Variants in CACNA1A observed in about 807,000 individuals in gnomAD.
The protein encoded by CACNA1A is voltage-dependent P/Q-type calcium channel subunit alpha-1A.
In CACNA1A, 57 loss-of-function variants were observed where a neutral mutation model predicts 262.4. That is an observed-to-expected ratio of 0.22 (90% CI 0.18 to 0.27). The LOEUF (loss-of-function observed/expected upper bound fraction) is 0.27, where lower values mean the gene tolerates loss of function less well. Ranked by LOEUF, CACNA1A falls within the 10% of genes least tolerant of loss-of-function variation. CACNA1A has a pLI of 1.00. For synonymous variants in CACNA1A, 1,431 were observed against 1,419.3 expected (o/e 1.01, Z -0.18); for missense variants, 2,526 against 3,562.8 (o/e 0.71, Z 7.41).
At chr19:13,448,600 G>T (rs2060859572) in intron 3 of CACNA1A, among the ~76,000 whole-genome samples, 1 of 152,206 alleles carries the variant, frequency 6.6e-6, no homozygotes, top group Admixed American at 6.5e-5. Flanking sequence ...CCCCCAGGGA[G>T]CATGAATTGG....
chr19:13,370,323 A>G (rs1453678679), intron 4 of CACNA1A, among the ~76,000 whole-genome samples: 1 of 151,622 alleles, frequency 6.6e-6, no homozygotes, highest in Non-Finnish European at 1.5e-5. Flanking sequence ...CAGGTCTCGA[A>G]CTCCTGACCT....
chr19:13,221,513 G>A (rs1212156916), intron 38 of CACNA1A, among the ~76,000 whole-genome samples: 2 of 151,172 alleles, frequency 1.3e-5, no homozygotes, highest in African/African-American at 4.9e-5. Flanking sequence ...GATTACAGGC[G>A]TGAGCCTCAG....
chr19:13,380,145 G>A (rs1158460786), intron 3 of CACNA1A, among the ~76,000 whole-genome samples: 2 of 131,468 alleles, frequency 1.5e-5, no homozygotes, highest in African/African-American at 2.9e-5. Flanking sequence ...TTAGCTGGGC[G>A]TGGTGGCGGG....
In CACNA1A at chr19:13,208,734, GGTCACT is replaced by G. The variant is rs2144500186; in HGVS notation, c.6780+16_6780+21del. 1.9e-6 allele frequency: 3 copies of G among 1,561,524 alleles called. No individual in the cohort carries two copies. The South Asian group carries it at 3.5e-5, about 18-fold the overall frequency. ...CGCCTCCCGGCCGAGCCCAGCCTGG[GGTCACT>G]TGCAGCCGCACCCACCTGCCGGTGC... On this transcript the variant is annotated intron_variant, in intron 46 of 46. Coordinates refer to ENST00000360228, the MANE Select transcript of CACNA1A (RefSeq NM_001127222.2).
rs773908713 is a variant in CACNA1A, at chr19:13,298,831, G to C, written c.2802C>G (p.His934Gln). The change falls in exon 19 of 47, where the codon CAC (histidine) becomes CAG (glutamine). Residue 934 changes from histidine (H) to glutamine (Q), a missense_variant. Transcript: ENST00000360228. Reference sequence around the variant, plus strand: ...GGCTCTCCCTGCTGCCCCCCTGCCGGTGCACGTGCCTCCGGTGGGGGTCCC... The same window carrying C: ...GGCTCTCCCTGCTGCCCCCCTGCCGCTGCACGTGCCTCCGGTGGGGGTCCC... ...KAGDPHRRHV[H>Q]RQGGSRESRS... The C allele has an allele frequency of 2.5e-6, 4 of 1,579,534 alleles. No homozygotes were observed. The highest frequency in any genetic ancestry group is 3.4e-6 in the Non-Finnish European group (4 of 1,172,400).
intron 10 of CACNA1A, among the ~76,000 whole-genome samples, chr19:13,328,966 G>A (rs953149605): frequency 1.3e-5 from 2 of 151,562 alleles, no homozygotes; most frequent in African/African-American, 2.4e-5. Context: ...TCTAAACTGC[G>A]GCCACACAGT....
chr19:13,300,781 A>G, intron 17 of CACNA1A, 125 bp from the exon 18 acceptor site: 1 of 761,884 alleles, frequency 1.3e-6, no homozygotes, highest in Admixed American at 1.9e-5. Flanking sequence ...AAGGCTCCCC[A>G]ATTGGAATGG....
chr19:13,313,498 TAAAAAAA>T (rs1007419624), intron 11 of CACNA1A, among the ~76,000 whole-genome samples: 2 of 65,710 alleles, frequency 3.0e-5, no homozygotes, highest in Non-Finnish European at 5.4e-5. Flanking sequence ...AGACCTTGTC[TAAAAAAA>T]AAAAAAAAAA....
At chr19:13,243,778 T>TG (rs892149509) in intron 31 of CACNA1A, 1 of 152,250 alleles carries the variant, frequency 6.6e-6, no homozygotes, top group Admixed American at 6.6e-5. Context: ...AGGCTGGTCT[T>TG]GAACTCCTGG....
At chr19:13,420,652 T>C (rs1285504476) in intron 3 of CACNA1A, among the ~76,000 whole-genome samples, 1 of 152,160 alleles carries the variant, frequency 6.6e-6, no homozygotes, top group African/African-American at 2.4e-5. Context: ...CACCTTGATT[T>C]TAGGCTTCTA....
At chr19:13,368,745 A>G (rs116442740) in intron 4 of CACNA1A, among the ~76,000 whole-genome samples, 1,757 of 148,460 alleles carry the variant, frequency 0.012, 145 homozygotes, top group African/African-American at 0.043. Flanking sequence ...TTAAAAATGT[A>G]ATGTGGGTGC....
intron 31 of CACNA1A, among the ~76,000 whole-genome samples, chr19:13,240,414 CTG>C (rs752406143): frequency 1.1e-3 from 161 of 143,134 alleles, no homozygotes; most frequent in African/African-American, 4.0e-3. Context: ...TGTGCAGTGA[CTG>C]TGTTTGCATA....
intron 24 of CACNA1A, chr19:13,263,049 G>C (rs141919224): frequency 4.0e-5 from 22 of 555,438 alleles, no homozygotes; most frequent in Non-Finnish European, 6.2e-5. Context: ...TTGTGGTTCT[G>C]GTCCCAGGGT....
At chr19:13,314,553 G>A (rs2058090406) in intron 11 of CACNA1A, among the ~76,000 whole-genome samples, 1 of 152,162 alleles carries the variant, frequency 6.6e-6, no homozygotes, top group Non-Finnish European at 1.5e-5. Context: ...AGAGGATACA[G>A]TGTTCAAGGT....
chr19:13,220,095 T>A (rs1320853069), intron 38 of CACNA1A, among the ~76,000 whole-genome samples: 1 of 151,702 alleles, frequency 6.6e-6, no homozygotes, highest in African/African-American at 2.4e-5. Flanking sequence ...CCATCTCTAC[T>A]AAAAATACAA....
intron 3 of CACNA1A, among the ~76,000 whole-genome samples, chr19:13,402,723 T>C (rs1330387422): frequency 6.8e-6 from 1 of 146,286 alleles, no homozygotes; most frequent in Non-Finnish European, 1.5e-5. Context: ...AAATTTCATA[T>C]ATATATATAC....
In CACNA1A at chr19:13,317,524, A is replaced by G. The variant is rs374836353; in HGVS notation, c.1346-203T>C. Among the ~76,000 whole-genome samples the G allele has an allele frequency of 9.3e-4, 141 of 152,314 alleles. 3 individuals are homozygous for G. In the South Asian group the frequency reaches 0.029, roughly 31 times the overall value. ...GAAGACAGTGCCCCTGAAAAATAAC[A>G]GAATTAGAAGTAACCAATTGATGGG... On this transcript the variant is annotated intron_variant, in intron 10 of 46. Transcript: ENST00000360228.
chr19:13,474,483 G>A (rs1170908410), intron 1 of CACNA1A, among the ~76,000 whole-genome samples: 1 of 152,170 alleles, frequency 6.6e-6, no homozygotes, highest in Admixed American at 6.6e-5. Context: ...AACAGGCAAA[G>A]GGGAGGTGGG....
At chr19:13,332,663 G>A (rs1377060229) in intron 9 of CACNA1A, among the ~76,000 whole-genome samples, 1 of 152,064 alleles carries the variant, frequency 6.6e-6, no homozygotes, top group Non-Finnish European at 1.5e-5. Context: ...AAGGCACAAA[G>A]CAGAAAAAAC....
Sources: allele counts gnomAD v4.1 joint callset (sites outside exome capture counted in the v4.1 genomes callset), GRCh38; gene constraint gnomAD v4.1.1; transcripts MANE v1.5; gene names NCBI Gene and HGNC (gene_info 2026-07-23, HGNC 2026-07-21).